The following PPP2CA variants were observed in gnomAD, a reference collection of about 807,000 sequenced individuals.
The protein encoded by PPP2CA is protein phosphatase 2 catalytic subunit alpha.
Under a neutral mutation model 38.8 loss-of-function variants are expected in PPP2CA, and 5 were observed. That is an observed-to-expected ratio of 0.13 (90% CI 0.07 to 0.27). The LOEUF is 0.27. Among genes scored for constraint, PPP2CA ranks in the 10% least tolerant of loss-of-function variants. The pLI, the probability that PPP2CA is intolerant of heterozygous loss-of-function variation, is 1.00. For synonymous variants in PPP2CA, 152 were observed against 134.0 expected (o/e 1.13, Z -0.93); for missense variants, 88 against 389.7 (o/e 0.23, Z 6.52).
chr5:134,211,758 A>G (rs548410601), intron 1 of PPP2CA, among the ~76,000 whole-genome samples: 30 of 151,816 alleles, frequency 2.0e-4, no homozygotes, highest in Admixed American at 1.3e-3. Flanking sequence ...TTACAGGCAT[A>G]AGCCACTGCG....
At position 134,194,474 on chromosome 5, in the gene PPP2CA, G is replaced by A. The variant is rs1004840113; in HGVS notation, c.*3298C>T. On this transcript the variant is annotated 3_prime_UTR_variant, in exon 7 of 7. Transcript: ENST00000481195. ...AACACATTTATGGTTGGAAGCAAAG[G>A]AATATTTATACTAAACAGGTAAAAG... 3 of 152,194 alleles carry A rather than the reference G, an allele frequency of 2.0e-5. No individual in the cohort carries two copies. Among genetic ancestry groups the A allele is most frequent in the African/African-American group, 7.2e-5 (3 of 41,418 alleles). The allele number at this position is 152,194 out of a possible 1,614,324, so 9.4% of individuals were successfully genotyped here. A position where few individuals can be genotyped will look rare whatever the true frequency, so the allele number is the denominator to read the frequency against.
rs759805396 is a variant in PPP2CA at position 134,225,828 on chromosome 5, G to T, written c.34C>A (p.Gln12Lys). The T allele has an allele frequency of 1.2e-6, 2 of 1,610,316 alleles. No individual in the cohort carries two copies. Among genetic ancestry groups the T allele is most frequent in the Non-Finnish European group, 1.7e-6 (2 of 1,179,124 alleles). ...CACTCGTTCAGCTGCTCGATCCACTGGTCCAGCTCCTTGGTGAACACCTTC... is the reference window on the plus strand; with the variant it reads ...CACTCGTTCAGCTGCTCGATCCACTTGTCCAGCTCCTTGGTGAACACCTTC... Reference protein sequence around the residue: ...DEKVFTKELDQWIEQLNECKQ... With the variant: ...DEKVFTKELDKWIEQLNECKQ... The change falls in exon 1 of 7, where the codon CAG becomes AAG. Residue 12 changes from glutamine to lysine, a missense_variant. Gln to Lys is a moderately conservative substitution (Grantham distance 53). Around this residue, in one of 4 missense-constraint regions of PPP2CA, gnomAD observed 34 missense variants for 57.1 expected, o/e 0.60. Coordinates refer to ENST00000481195, the MANE Select transcript of PPP2CA (RefSeq NM_002715.4).
intron 1 of PPP2CA, among the ~76,000 whole-genome samples, chr5:134,213,179 C>A (rs1427122682): frequency 2.0e-5 from 3 of 152,194 alleles, no homozygotes; most frequent in Non-Finnish European, 2.9e-5. Context: ...TGCCCTCAAA[C>A]CCTCAACGGA....
At chr5:134,224,438 G>A in intron 1 of PPP2CA, 1 of 372,882 alleles carries the variant, frequency 2.7e-6, no homozygotes, top group Non-Finnish European at 5.2e-6. Context: ...TTCTAAAAAA[G>A]CCTGTCTTGG....
Position 134,199,169 on chromosome 5 carries a change from C to T in PPP2CA, c.774G>A (p.Thr258=), listed in dbSNP as rs768863660. ...AACAATAGTTTGGAGCACTGAAAAT[C>T]GTTACTACATTCCGGTCATGGCACC... is the stretch of plus-strand genomic sequence containing the variant. ...YNWCHDRNVV[T]IFSAPNYCYR... is the part of the protein sequence containing the mutation. The change falls in exon 6 of 7, where the codon ACG becomes ACA. Residue 258 remains threonine (T), a synonymous_variant. Transcript: ENST00000481195. 21 of 1,613,886 alleles carry T rather than the reference C, an allele frequency of 1.3e-5. No individual in the cohort carries two copies. The highest frequency in any genetic ancestry group is 1.6e-4 in the Middle Eastern group (1 of 6,084).
intron 1 of PPP2CA, among the ~76,000 whole-genome samples, chr5:134,216,190 G>A (rs1762315778): frequency 6.6e-6 from 1 of 152,068 alleles, no homozygotes; most frequent in Non-Finnish European, 1.5e-5. Context: ...TTTGTTGTTA[G>A]CTACATGAAA....
Position 134,209,371 on chromosome 5 carries a change from TTTG to T in PPP2CA, c.103-3243_103-3241del, listed in dbSNP as rs985269626. Reference sequence around the variant, plus strand: ...CAGTTTTAAGCATGATTTTGGTTGTTTTGTTGTTGTTGTTTTGGTCTCAACTTA... The same window carrying T: ...CAGTTTTAAGCATGATTTTGGTTGTTTTGTTGTTGTTTTGGTCTCAACTTA... On this transcript the variant is annotated intron_variant, in intron 1 of 6. Coordinates refer to ENST00000481195, the MANE Select transcript of PPP2CA (RefSeq NM_002715.4). 4.6e-5 allele frequency among the ~76,000 whole-genome samples: 7 copies of T among 152,368 alleles called. No individual in the cohort carries two copies. The East Asian group carries it at 5.8e-4, about 13-fold the overall frequency.
chr5:134,202,269 G>C, intron 2 of PPP2CA: 1 of 385,866 alleles, frequency 2.6e-6, no homozygotes, highest in Non-Finnish European at 4.6e-6. Flanking sequence ...TAAATCAATG[G>C]GCTATTAAAA....
chr5:134,197,847 G>A lies in PPP2CA; in HGVS notation c.858-3C>T. On this transcript the variant is annotated splice_region_variant and splice_polypyrimidine_tract_variant and intron_variant, in intron 6 of 6. Transcript: ENST00000481195. Reference sequence around the variant, plus strand: ...GAGGTGCTGGGTCAAACTGCAAGCTGAAAAACAAGACCGATTCATGGTTTA... The same window carrying A: ...GAGGTGCTGGGTCAAACTGCAAGCTAAAAAACAAGACCGATTCATGGTTTA... 6.2e-7 allele frequency: 1 copy of A among 1,613,748 alleles called. No homozygotes were observed. Among genetic ancestry groups the A allele is most frequent in the East Asian group, 2.2e-5 (1 of 44,884 alleles).
intron 1 of PPP2CA, 48 bp downstream of exon 1, chr5:134,225,712 G>C (rs1050537306): frequency 1.9e-6 from 3 of 1,559,116 alleles, no homozygotes; most frequent in Admixed American, 1.7e-5. Context: ...CCTTTTCCTC[G>C]GCGGGCTCGG....
At chr5:134,202,046 A>T (rs1277224428) in intron 2 of PPP2CA, 25 bp from the exon 3 acceptor site, 1 of 1,558,414 alleles carries the variant, frequency 6.4e-7, no homozygotes, top group African/African-American at 1.4e-5. Context: ...TGCAAAACAT[A>T]AACAACTAGC....
chr5:134,210,268 C>T (rs1024974231), intron 1 of PPP2CA, among the ~76,000 whole-genome samples: 2 of 152,172 alleles, frequency 1.3e-5, no homozygotes, highest in African/African-American at 2.4e-5. Context: ...GTTATACAAT[C>T]TCAACTGTCT....
chr5:134,218,747 C>T (rs753242075), intron 1 of PPP2CA, among the ~76,000 whole-genome samples: 3 of 151,694 alleles, frequency 2.0e-5, no homozygotes, highest in Non-Finnish European at 4.4e-5. Flanking sequence ...CGGCTCACTG[C>T]AACCTCTGCC....
Position 134,201,094 on chromosome 5 carries a change from A to T in PPP2CA, c.487-20T>A, listed in dbSNP as rs1158730001. The T allele has an allele frequency of 7.0e-6, 11 of 1,570,214 alleles. No individual in the cohort carries two copies. In the African/African-American group the frequency reaches 1.2e-4, roughly 17 times the overall value. On this transcript the variant is annotated intron_variant, in intron 3 of 6. Coordinates refer to ENST00000481195, the MANE Select transcript of PPP2CA (RefSeq NM_002715.4). ...GAAGATCTGAAAAGAGTGGTTTAAA[A>T]GGTTAACCTCACCTAAAAAATTTGT...
At chr5:134,201,824 G>C in intron 3 of PPP2CA, 24 bp downstream of exon 3, 1 of 1,604,148 alleles carries the variant, frequency 6.2e-7, no homozygotes, top group Non-Finnish European at 8.5e-7. Context: ...GAAATAATCA[G>C]CAATGAGTTT....
At position 134,198,794 on chromosome 5, in the gene PPP2CA, G is replaced by C. The variant is rs367826097; in HGVS notation, c.857+292C>G. Among the ~76,000 whole-genome samples, 17 of 152,282 alleles carry C rather than the reference G, an allele frequency of 1.1e-4. No individual in the cohort carries two copies. In the South Asian group the frequency reaches 2.3e-3, roughly 20 times the overall value. On this transcript the variant is annotated intron_variant, in intron 6 of 6. Transcript: ENST00000481195. ...TTGGTCAGGCTTGTCTCGAACTCCT[G>C]ATCTCAGGTGATCCACCCGAGCCTT...
chr5:134,224,142 T>A (rs1451880612), intron 1 of PPP2CA: 1 of 346,976 alleles, frequency 2.9e-6, no homozygotes, highest in Non-Finnish European at 5.6e-6. Context: ...TTTCATATAA[T>A]GCACTGAATT....
chr5:134,216,150 G>A (rs1762315214), intron 1 of PPP2CA, among the ~76,000 whole-genome samples: 1 of 152,070 alleles, frequency 6.6e-6, no homozygotes, highest in Non-Finnish European at 1.5e-5. Flanking sequence ...TTCAAAATAC[G>A]AGTTCCAATA....
chr5:134,201,610 A>C (rs1317432887), intron 3 of PPP2CA, among the ~76,000 whole-genome samples: 1 of 152,234 alleles, frequency 6.6e-6, no homozygotes, highest in Non-Finnish European at 1.5e-5. Flanking sequence ...AATGGGCTAC[A>C]TCACCCACCC....
Sources: allele counts gnomAD v4.1 joint callset (sites outside exome capture counted in the v4.1 genomes callset), GRCh38; gene constraint gnomAD v4.1.1; regional missense constraint gnomAD v4.1.1; transcripts MANE v1.5; gene names NCBI Gene and HGNC (gene_info 2026-07-23, HGNC 2026-07-21).